Variants in DEDD2 observed in about 807,000 individuals in gnomAD.
The protein encoded by DEDD2 is death effector domain containing 2.
Under a neutral mutation model 28.9 loss-of-function variants are expected in DEDD2, and 18 were observed. That is an observed-to-expected ratio of 0.62 (90% CI 0.43 to 0.92). The LOEUF (loss-of-function observed/expected upper bound fraction) is 0.92. Among genes scored for constraint, DEDD2 ranks in the 40% least tolerant of loss-of-function variants. The pLI, the probability that DEDD2 is intolerant of heterozygous loss-of-function variation, is 0.00. For synonymous variants in DEDD2, 211 were observed against 206.1 expected (o/e 1.02, Z -0.20); for missense variants, 411 against 463.3 (o/e 0.89, Z 1.04).
At chr19:42,202,488 A>G (rs1359132690) in intron 4 of DEDD2, among the ~76,000 whole-genome samples, 1 of 152,156 alleles carries the variant, frequency 6.6e-6, no homozygotes, top group Non-Finnish European at 1.5e-5. Context: ...CCTCTGGTAT[A>G]AGTTCTCAAT....
intron 3 of DEDD2, among the ~76,000 whole-genome samples, chr19:42,212,923 AC>A (rs942984399): frequency 3.9e-5 from 6 of 152,208 alleles, no homozygotes; most frequent in African/African-American, 1.4e-4. Context: ...TAAAATACTA[AC>A]AGAAACTTTT....
intron 4 of DEDD2, among the ~76,000 whole-genome samples, chr19:42,205,117 G>GA (rs2035479279): frequency 6.6e-6 from 1 of 152,248 alleles, no homozygotes; most frequent in African/African-American, 2.4e-5. Context: ...AGAACACACT[G>GA]AATCAACCCT....
chr19:42,210,360 C>T lies in DEDD2; in HGVS notation c.449-520G>A, dbSNP rs59293537. Reference sequence around the variant, plus strand: ...ATGAATGAATTGGGGGTGAGGGGCACCCAGCAGTAGAAATGACATGTCTAA... The same window carrying T: ...ATGAATGAATTGGGGGTGAGGGGCATCCAGCAGTAGAAATGACATGTCTAA... On this transcript the variant is annotated intron_variant, in intron 3 of 4. Coordinates refer to ENST00000596251, the MANE Select transcript of DEDD2 (RefSeq NM_133328.4). Among the ~76,000 whole-genome samples the T allele has an allele frequency of 6.7e-3, 1,026 of 152,144 alleles. 14 individuals carry two copies. The highest frequency in any genetic ancestry group is 0.024 in the African/African-American group (980 of 41,508).
chr19:42,202,469 C>A (rs1340222195), intron 4 of DEDD2, among the ~76,000 whole-genome samples: 4 of 152,214 alleles, frequency 2.6e-5, no homozygotes. Flanking sequence ...TCCTTCTCCC[C>A]AGCATGGACC....
chr19:42,202,208 C>T (rs779313102), intron 4 of DEDD2: 2 of 397,290 alleles, frequency 5.0e-6, no homozygotes, highest in Non-Finnish European at 8.9e-6. Context: ...TTTCGACACC[C>T]AACTCCCTAC....
Position 42,199,494 on chromosome 19 carries a change from G to T in DEDD2, c.925C>A (p.Arg309Ser). 1 of 1,612,940 alleles carries T rather than the reference G, an allele frequency of 6.2e-7. No homozygotes were observed. Among genetic ancestry groups the T allele is most frequent in the Non-Finnish European group, 8.5e-7 (1 of 1,179,654 alleles). ...TCCTCCTCCATCAGCAACAGGCGGC[G>T]CCGGCCAGCCTCATAGTCAGCCTCA... ...VDEADYEAGRRRLLLMEEEGG... is the reference protein window; with the variant it reads ...VDEADYEAGRSRLLLMEEEGG... The change falls in exon 5 of 5, where the codon CGC (arginine) becomes AGC (serine). Residue 309 changes from arginine to serine, a missense_variant. Physicochemically the swap from Arg to Ser is moderately radical, Grantham distance 110. Around this residue, in one of 2 missense-constraint regions of DEDD2, gnomAD observed 129 missense variants for 189.9 expected, o/e 0.68. Transcript: ENST00000596251. The surrounding 1 kb of genome is among the most constrained non-coding windows in gnomAD (Gnocchi z 7.4).
rs1054904440 is a variant in DEDD2, at chr19:42,198,814, C to G, written c.*624G>C. On this transcript the variant is annotated 3_prime_UTR_variant, in exon 5 of 5. Transcript: ENST00000596251. ...GTGCAAGTCTATGTTCAGCTCTGGA[C>G]AGCAGGGGGGAAGGTGAGGAGAGTC... is the stretch of plus-strand genomic sequence containing the variant. 10 of 153,212 alleles carry G rather than the reference C, an allele frequency of 6.5e-5. No homozygotes were observed. Among genetic ancestry groups the G allele is most frequent in the African/African-American group, 2.4e-4 (10 of 41,440 alleles). 9.5% of individuals were successfully genotyped at this position (153,212 alleles called of 1,614,324 possible).
chr19:42,211,428 G>A (rs1365410992), intron 3 of DEDD2, among the ~76,000 whole-genome samples: 12 of 116,066 alleles, frequency 1.0e-4, no homozygotes, highest in East Asian at 2.4e-4. Flanking sequence ...AGAGAGGGAC[G>A]GAGGGAGGGA....
chr19:42,208,255 C>A (rs1568445617), intron 4 of DEDD2, among the ~76,000 whole-genome samples: 1 of 152,186 alleles, frequency 6.6e-6, no homozygotes, highest in Non-Finnish European at 1.5e-5. Flanking sequence ...AGTAGTCTCA[C>A]AGCAGAGTCC....
chr19:42,207,987 A>C (rs530352291), intron 4 of DEDD2, among the ~76,000 whole-genome samples: 1 of 152,230 alleles, frequency 6.6e-6, no homozygotes, highest in African/African-American at 2.4e-5. Flanking sequence ...CTCCACAAGG[A>C]AACTGGGGCT....
At position 42,199,107 on chromosome 19, in the gene DEDD2, C is replaced by T. The variant is rs2146841068; in HGVS notation, c.*331G>A. On this transcript the variant is annotated 3_prime_UTR_variant, in exon 5 of 5. Coordinates refer to ENST00000596251, the MANE Select transcript of DEDD2 (RefSeq NM_133328.4). This position sits in a 1 kb window ranked among gnomAD's most constrained non-coding sequence, Gnocchi z 7.4. ...TGTGCACCTGTGACAGTGCAGACAGCCCAAGATCAGAGATACAATGTGCAG... is the reference window on the plus strand; with the variant it reads ...TGTGCACCTGTGACAGTGCAGACAGTCCAAGATCAGAGATACAATGTGCAG... 1 of 344,144 alleles carries T rather than the reference C, an allele frequency of 2.9e-6. No individual in the cohort carries two copies. Among genetic ancestry groups the T allele is most frequent in the East Asian group, 5.4e-5 (1 of 18,496 alleles). The allele number at this position is 344,144 out of a possible 1,614,324, so 21.3% of individuals were successfully genotyped here. A position where few individuals can be genotyped will look rare whatever the true frequency, so the allele number is the denominator to read the frequency against.
intron 2 of DEDD2, among the ~76,000 whole-genome samples, chr19:42,215,891 G>A (rs773819512): frequency 2.0e-4 from 31 of 152,196 alleles, no homozygotes; most frequent in Non-Finnish European, 3.1e-4. Context: ...CTGGGGACAA[G>A]TTGGCTAGGT....
intron 2 of DEDD2, among the ~76,000 whole-genome samples, chr19:42,216,017 CTCTGATGA>C (rs1305561514): frequency 1.3e-5 from 2 of 152,162 alleles, no homozygotes; most frequent in Non-Finnish European, 2.9e-5. Flanking sequence ...CCACACTGGC[CTCTGATGA>C]TGCCAAACTC....
intron 3 of DEDD2, 145 bp downstream of exon 3, chr19:42,214,988 T>C: frequency 8.0e-7 from 1 of 1,247,168 alleles, no homozygotes; most frequent in Non-Finnish European, 1.1e-6. Flanking sequence ...GAACAGAGTA[T>C]CTGTAGCAAT....
At chr19:42,204,975 C>T (rs1359419906) in intron 4 of DEDD2, among the ~76,000 whole-genome samples, 2 of 152,236 alleles carry the variant, frequency 1.3e-5, no homozygotes, top group African/African-American at 4.8e-5. Context: ...AAGCAGCCAT[C>T]ACCTGCTTCC....
chr19:42,214,003 T>C (rs771017823), intron 3 of DEDD2, among the ~76,000 whole-genome samples: 2 of 152,224 alleles, frequency 1.3e-5, no homozygotes, highest in Non-Finnish European at 2.9e-5. Context: ...TAAAGCATCC[T>C]GATGTCTGTA....
chr19:42,199,447 C>A lies in DEDD2; in HGVS notation c.972G>T (p.Glu324Asp). The change falls in exon 5 of 5, where the codon GAG becomes GAT. Residue 324 changes from glutamate to aspartate, a missense_variant. Coordinates refer to ENST00000596251, the MANE Select transcript of DEDD2 (RefSeq NM_133328.4). This position sits in a 1 kb window ranked among gnomAD's most constrained non-coding sequence, Gnocchi z 7.4. ...TCCTGCCAGTCCTGGATCAGGAGGC[C>A]TCTGTCGGGCGCCGCCCCCCTTCCT... Reference protein sequence around the residue: ...MEEEGGRRPTEAS With the variant: ...MEEEGGRRPTDAS The A allele has an allele frequency of 6.2e-7, 1 of 1,603,622 alleles. No individual in the cohort carries two copies. Among genetic ancestry groups the A allele is most frequent in the Non-Finnish European group, 8.5e-7 (1 of 1,176,396 alleles).
intron 2 of DEDD2, 123 bp downstream of exon 2, chr19:42,216,557 G>C: frequency 1.0e-6 from 1 of 977,928 alleles, no homozygotes; most frequent in Non-Finnish European, 1.4e-6. Flanking sequence ...TGGGAAGAGA[G>C]AGTAGCAGAA....
chr19:42,211,373 A>T (rs1372272445), intron 3 of DEDD2, among the ~76,000 whole-genome samples: 4 of 145,362 alleles, frequency 2.8e-5, no homozygotes, highest in Admixed American at 1.4e-4. Flanking sequence ...AAACAGAGCT[A>T]GACCCTCAAA....
Sources: gnomAD v4.1 joint callset for allele counts (sites outside exome capture counted in the v4.1 genomes callset) on GRCh38, gnomAD v4.1.1 for gene constraint, gnomAD v4.1.1 regional missense constraint, Gnocchi (gnomAD v3.1) non-coding constraint, MANE v1.5 for transcripts, NCBI Gene and HGNC (gene_info 2026-07-23, HGNC 2026-07-21) for gene names.